The following ABCA13 variants were observed in gnomAD, a reference collection of about 807,000 sequenced individuals.
ABCA13 encodes the protein ATP binding cassette subfamily A member 13.
A neutral mutation model predicts 478.7 loss-of-function variants in ABCA13; 476 were observed. The observed-to-expected ratio is 0.99, with a 90% CI of 0.92 to 1.07. The LOEUF is 1.07. ABCA13 is among the 50% of genes least tolerant of loss of function. The pLI, the probability that ABCA13 is intolerant of heterozygous loss-of-function variation, is 0.00. For synonymous variants in ABCA13, 2,252 were observed against 2,158.9 expected (o/e 1.04, Z -1.20); for missense variants, 6,060 against 5,910.6 (o/e 1.03, Z -0.83).
At chr7:48,471,271 A>G (rs1827460465) in intron 44 of ABCA13, among the ~76,000 whole-genome samples, 1 of 152,220 alleles carries the variant, frequency 6.6e-6, no homozygotes, top group Non-Finnish European at 1.5e-5. Flanking sequence ...TGAAAGTCCT[A>G]GGGAGCCCTG....
intron 27 of ABCA13, among the ~76,000 whole-genome samples, chr7:48,327,309 T>G (rs1374571822): frequency 6.6e-6 from 1 of 152,160 alleles, no homozygotes; most frequent in Non-Finnish European, 1.5e-5. Context: ...TCAGATTTCG[T>G]AAGAACTTAC....
chr7:48,240,785 G>T, intron 9 of ABCA13, 82 bp from the exon 10 acceptor site: 1 of 1,148,378 alleles, frequency 8.7e-7, no homozygotes, highest in Non-Finnish European at 1.2e-6. Context: ...ATCTAGAGTG[G>T]TATGTTAATA....
At position 48,241,186 on chromosome 7, in the gene ABCA13, G is replaced by C. The variant is rs538328611; in HGVS notation, c.1262+120G>C. 4.8e-6 allele frequency: 6 copies of C among 1,238,646 alleles called. No individual in the cohort carries two copies. The African/African-American group carries it at 7.4e-5, about 15-fold the overall frequency. The allele number at this position is 1,238,646 out of a possible 1,614,324, so 76.7% of individuals were successfully genotyped here. On this transcript the variant is annotated intron_variant, in intron 10 of 61. Coordinates refer to ENST00000435803, the MANE Select transcript of ABCA13 (RefSeq NM_152701.5). ...ACTACAGCTAAATAATGAATTTCTTGTTAGCAAATGGGAAATCAGAGGCTT... is the reference window on the plus strand; with the variant it reads ...ACTACAGCTAAATAATGAATTTCTTCTTAGCAAATGGGAAATCAGAGGCTT...
At chr7:48,369,311 T>C (rs1812271812) in intron 32 of ABCA13, among the ~76,000 whole-genome samples, 1 of 152,210 alleles carries the variant, frequency 6.6e-6, no homozygotes. Flanking sequence ...ATATATAGAT[T>C]GTGAAGATTT....
At chr7:48,538,079 AT>A (rs1294026505) in intron 55 of ABCA13, among the ~76,000 whole-genome samples, 2 of 138,086 alleles carry the variant, frequency 1.4e-5, no homozygotes, top group African/African-American at 2.7e-5. Context: ...TCATTATCTT[AT>A]TTTTTTCTTT....
chr7:48,271,871 A>G lies in ABCA13; in HGVS notation c.2205A>G (p.Ser735=), dbSNP rs372427380. 5.0e-6 allele frequency: 8 copies of G among 1,606,990 alleles called. No individual in the cohort carries two copies. Among genetic ancestry groups the G allele is most frequent in the South Asian group, 4.5e-5 (4 of 89,700 alleles). Residue 735 remains serine, a synonymous_variant, in exon 17 of 62, where the codon TCA becomes TCG. Coordinates refer to ENST00000435803, the MANE Select transcript of ABCA13 (RefSeq NM_152701.5). ...ATGAACAAATGAACTTTCTTTTATCATTTGTGGAATTTTTTGAGAAATTAT... is the reference window on the plus strand; with the variant it reads ...ATGAACAAATGAACTTTCTTTTATCGTTTGTGGAATTTTTTGAGAAATTAT... ...LEDEQMNFLL[S]FVEFFEKLLL...
In ABCA13 at chr7:48,489,293, A is replaced by C. The variant is rs1174424858; in HGVS notation, c.13240A>C (p.Asn4414His). Residue 4414 changes from asparagine (N) to histidine (H), a missense_variant, in exon 48 of 62, where the codon AAC (asparagine) becomes CAC (histidine). Transcript: ENST00000435803. Reference protein sequence around the residue: ...SLPSYLNHLNNLILWQHLPPT... With the variant: ...SLPSYLNHLNHLILWQHLPPT... ...ACCTTCCTACTTAAATCATCTAAACAACCTTATTTTGTGGCAGCACCTACC... is the reference window on the plus strand; with the variant it reads ...ACCTTCCTACTTAAATCATCTAAACCACCTTATTTTGTGGCAGCACCTACC... The C allele has an allele frequency of 3.7e-6, 6 of 1,612,996 alleles. No homozygotes were observed. The highest frequency in any genetic ancestry group is 2.2e-5 in the East Asian group (1 of 44,864).
rs1457331306 is a variant in ABCA13 at position 48,295,127 on chromosome 7, A to G, written c.8956-573A>G. On this transcript the variant is annotated intron_variant, in intron 20 of 61. Transcript: ENST00000435803. ...TCATACTGTTTTCCATAATGGCTGT[A>G]CCAATTTGCATTTCCACCAACAGGG... Among the ~76,000 whole-genome samples, 3 of 152,186 alleles carry G rather than the reference A, an allele frequency of 2.0e-5. 1 individual carries two copies. Among genetic ancestry groups the G allele is most frequent in the Non-Finnish European group, 4.4e-5 (3 of 68,034 alleles).
At chr7:48,212,543 T>C (rs187433625) in intron 3 of ABCA13, among the ~76,000 whole-genome samples, 3 of 152,372 alleles carry the variant, frequency 2.0e-5, no homozygotes, top group Admixed American at 2.0e-4. Flanking sequence ...TGCAATTTTA[T>C]ACTCCCAACA....
rs374049206 is a variant in ABCA13, at chr7:48,338,591, T to G, written c.10204+136T>G. On this transcript the variant is annotated intron_variant, in intron 29 of 61. Transcript: ENST00000435803. ...TTTTCCTCTCTCAGTTTCTATTTTC[T>G]TATCTGGATCCTGAAGGGCTTGAAC... The G allele has an allele frequency of 2.2e-3, 1,243 of 574,448 alleles. 10 individuals carry two copies. The highest frequency in any genetic ancestry group is 0.021 in the African/African-American group (1,116 of 52,474). 35.6% of individuals were successfully genotyped at this position (574,448 alleles called of 1,614,324 possible). A position where few individuals can be genotyped will look rare whatever the true frequency, so the allele number is the denominator to read the frequency against.
At chr7:48,289,092 C>T (rs915330561) in intron 20 of ABCA13, among the ~76,000 whole-genome samples, 8 of 152,090 alleles carry the variant, frequency 5.3e-5, no homozygotes, top group African/African-American at 1.9e-4. Flanking sequence ...ATGCCAGACT[C>T]CCACAGCATG....
At chr7:48,559,743 C>T (rs548618280) in intron 55 of ABCA13, among the ~76,000 whole-genome samples, 8 of 152,258 alleles carry the variant, frequency 5.3e-5, no homozygotes, top group East Asian at 3.9e-4. Flanking sequence ...CTTTCGTCAT[C>T]GAGTGATGAG....
At chr7:48,435,273 T>C (rs1256555800) in intron 42 of ABCA13, among the ~76,000 whole-genome samples, 1 of 151,872 alleles carries the variant, frequency 6.6e-6, no homozygotes, top group Non-Finnish European at 1.5e-5. Flanking sequence ...TTATTGTAAA[T>C]GAAATGATTT....
intron 1 of ABCA13, among the ~76,000 whole-genome samples, chr7:48,177,088 G>A (rs1291924153): frequency 1.3e-5 from 2 of 151,998 alleles, no homozygotes; most frequent in Non-Finnish European, 1.5e-5. Context: ...TACAATTTCT[G>A]TATTTTTCTG....
intron 23 of ABCA13, among the ~76,000 whole-genome samples, chr7:48,299,858 T>C (rs2128849755): frequency 6.6e-6 from 1 of 151,946 alleles, no homozygotes; most frequent in African/African-American, 2.4e-5. Flanking sequence ...GATGGTTCTG[T>C]AGTGCTTTTT....
intron 32 of ABCA13, 73 bp from the exon 33 acceptor site, chr7:48,372,095 C>G: frequency 7.1e-7 from 1 of 1,406,648 alleles, no homozygotes; most frequent in South Asian, 1.4e-5. Context: ...CACCTTCTTT[C>G]TCCTACCATC....
intron 55 of ABCA13, among the ~76,000 whole-genome samples, chr7:48,559,463 A>C (rs1786219223): frequency 6.6e-6 from 1 of 152,106 alleles, no homozygotes; most frequent in Non-Finnish European, 1.5e-5. Context: ...AATAATGTCC[A>C]AGAGCCTAGG....
intron 35 of ABCA13, among the ~76,000 whole-genome samples, chr7:48,387,615 A>G (rs1815388690): frequency 6.6e-6 from 1 of 152,172 alleles, no homozygotes; most frequent in South Asian, 2.1e-4. Context: ...GTTTTAGCAC[A>G]TGGCTGTGGA....
intron 59 of ABCA13, among the ~76,000 whole-genome samples, chr7:48,624,863 T>G (rs1466746263): frequency 6.6e-6 from 1 of 152,172 alleles, no homozygotes; most frequent in Non-Finnish European, 1.5e-5. Context: ...CCTGTTTGTT[T>G]GTTTTTCTTT....
Sources: gnomAD v4.1 joint callset for allele counts (sites outside exome capture counted in the v4.1 genomes callset) on GRCh38, gnomAD v4.1.1 for gene constraint, MANE v1.5 for transcripts, NCBI Gene and HGNC (gene_info 2026-07-23, HGNC 2026-07-21) for gene names.